Variants in PAPPA2 observed in about 807,000 individuals in gnomAD.
The protein encoded by PAPPA2 is pappalysin-2.
Under a neutral mutation model 176.4 loss-of-function variants are expected in PAPPA2, and 86 were observed. The ratio of observed to expected loss-of-function variants is 0.49; its 90% CI spans 0.41 to 0.58. The LOEUF (loss-of-function observed/expected upper bound fraction) is 0.58, where lower values mean the gene tolerates loss of function less well. PAPPA2 is among the 20% of genes least tolerant of loss of function. The probability of loss-of-function intolerance (pLI) is 0.00; values close to 1 mark genes in which losing one functional copy is unlikely to be tolerated. For synonymous variants in PAPPA2, 809 were observed against 852.2 expected (o/e 0.95, Z 0.88); for missense variants, 2,073 against 2,256.9 (o/e 0.92, Z 1.65).
chr1:176,807,497 C>CT (rs1156629514), intron 21 of PAPPA2, among the ~76,000 whole-genome samples: 6,285 of 137,712 alleles, frequency 0.046, 310 homozygotes, highest in African/African-American at 0.12. Context: ...TTCTTTCTTT[C>CT]TTTTTTTTTT....
At chr1:176,564,204 T>G (rs960555270) in intron 2 of PAPPA2, among the ~76,000 whole-genome samples, 1 of 152,216 alleles carries the variant, frequency 6.6e-6, no homozygotes, top group Non-Finnish European at 1.5e-5. Flanking sequence ...CTAACAGGCT[T>G]CAGGTGCTGT....
At chr1:176,502,938 T>A (rs1326740226) in intron 1 of PAPPA2, among the ~76,000 whole-genome samples, 1 of 152,152 alleles carries the variant, frequency 6.6e-6, no homozygotes. Flanking sequence ...TCTGTATAGT[T>A]AAACACTGGG....
intron 1 of PAPPA2, among the ~76,000 whole-genome samples, chr1:176,470,048 T>C (rs1237998124): frequency 2.0e-5 from 3 of 152,176 alleles, no homozygotes; most frequent in Non-Finnish European, 4.4e-5. Flanking sequence ...CCAGAAAACA[T>C]GATGGAATTT....
intron 3 of PAPPA2, among the ~76,000 whole-genome samples, chr1:176,655,352 G>C (rs927426635): frequency 6.6e-6 from 1 of 151,774 alleles, no homozygotes; most frequent in Admixed American, 6.6e-5. Flanking sequence ...CAGAATGAGA[G>C]AAAATATTTG....
At chr1:176,782,289 A>G (rs928900679) in intron 17 of PAPPA2, among the ~76,000 whole-genome samples, 3 of 152,182 alleles carry the variant, frequency 2.0e-5, no homozygotes, top group Non-Finnish European at 4.4e-5. Context: ...TGTACCAGGC[A>G]TTGTGCTGCA....
chr1:176,772,525 G>A (rs374823256), intron 17 of PAPPA2, among the ~76,000 whole-genome samples: 2 of 151,982 alleles, frequency 1.3e-5, no homozygotes, highest in South Asian at 4.2e-4. Context: ...CCTCTCCCAG[G>A]GCCTTCCACT....
At chr1:176,666,968 G>A (rs928400612) in intron 3 of PAPPA2, among the ~76,000 whole-genome samples, 2 of 152,154 alleles carry the variant, frequency 1.3e-5, no homozygotes, top group Non-Finnish European at 2.9e-5. Flanking sequence ...TGTGTTGGCC[G>A]GGTACCGTGG....
intron 1 of PAPPA2, among the ~76,000 whole-genome samples, chr1:176,483,308 A>T (rs1455321615): frequency 4.0e-5 from 6 of 151,860 alleles, no homozygotes; most frequent in Non-Finnish European, 8.8e-5. Flanking sequence ...ATGCTAGCCT[A>T]TTGTTTTGCT....
intron 3 of PAPPA2, among the ~76,000 whole-genome samples, chr1:176,618,104 T>TTTTCCTA: frequency 1.3e-5 from 2 of 152,222 alleles, no homozygotes; most frequent in African/African-American, 4.8e-5. Flanking sequence ...AGTTGCATCA[T>TTTTCCTA]GAAAGACAAT....
intron 14 of PAPPA2, among the ~76,000 whole-genome samples, chr1:176,752,416 G>C (rs933058772): frequency 8.7e-5 from 13 of 149,796 alleles, no homozygotes; most frequent in Admixed American, 2.0e-4. Context: ...CCAGCCTCTA[G>C]CTGTTGTATA....
intron 3 of PAPPA2, among the ~76,000 whole-genome samples, chr1:176,626,125 C>T (rs1342745710): frequency 6.6e-6 from 1 of 152,180 alleles, no homozygotes; most frequent in Non-Finnish European, 1.5e-5. Context: ...CACACCACCA[C>T]CCAGGTTGAG....
chr1:176,802,763 C>T (rs2102952061), intron 21 of PAPPA2, among the ~76,000 whole-genome samples: 1 of 152,310 alleles, frequency 6.6e-6, no homozygotes, highest in African/African-American at 2.4e-5. Flanking sequence ...AGCTCAGTAT[C>T]CTCAGCCCAT....
Position 176,840,192 on chromosome 1 carries a change from G to A in PAPPA2, c.5222G>A (p.Trp1741Ter). The stretch of plus-strand genomic sequence containing the variant: ...CTACAGCCCTTCCAAGCAGATGGTT[G>A]GTGTGACACTATCAACAACCGAGCC... ...QSCEPFQADG[W>*]CDTINNRAYC... Residue 1741 changes from tryptophan to a stop codon, truncating the protein, a stop_gained, in exon 22 of 23, where the codon TGG becomes TAG. Transcript: ENST00000367662. LOFTEE classifies it high-confidence loss of function. The A allele has an allele frequency of 6.2e-7, 1 of 1,613,298 alleles. No individual in the cohort carries two copies. The highest frequency in any genetic ancestry group is 8.5e-7 in the Non-Finnish European group (1 of 1,179,502).
At chr1:176,535,982 C>T (rs940028248) in intron 1 of PAPPA2, among the ~76,000 whole-genome samples, 4 of 152,154 alleles carry the variant, frequency 2.6e-5, no homozygotes, top group African/African-American at 7.2e-5. Context: ...CACACTGTAA[C>T]GTCCCAGGGA....
intron 1 of PAPPA2, among the ~76,000 whole-genome samples, chr1:176,510,293 G>C (rs28844448): frequency 0.079 from 12,064 of 152,136 alleles, 592 homozygotes; most frequent in South Asian, 0.15. Context: ...AATTATCATC[G>C]TTTTCTCACC....
intron 2 of PAPPA2, among the ~76,000 whole-genome samples, chr1:176,564,424 A>G (rs1307682968): frequency 6.6e-6 from 1 of 152,230 alleles, no homozygotes; most frequent in Non-Finnish European, 1.5e-5. Flanking sequence ...ATATGTAAAC[A>G]CATTTCTATG....
chr1:176,744,202 T>C (rs1662805841), intron 14 of PAPPA2, among the ~76,000 whole-genome samples: 1 of 152,232 alleles, frequency 6.6e-6, no homozygotes, highest in African/African-American at 2.4e-5. Context: ...CCAATCCTTT[T>C]ACCCCTTTAA....
intron 3 of PAPPA2, among the ~76,000 whole-genome samples, chr1:176,654,998 G>T (rs1657946052): frequency 6.6e-6 from 1 of 151,766 alleles, no homozygotes; most frequent in Non-Finnish European, 1.5e-5. Context: ...CTAGACATAA[G>T]ATCATGTCAT....
intron 1 of PAPPA2, among the ~76,000 whole-genome samples, chr1:176,482,516 G>T (rs1347864577): frequency 6.6e-6 from 1 of 152,160 alleles, no homozygotes; most frequent in African/African-American, 2.4e-5. Context: ...CAACGGGCAT[G>T]AACAGGAAAA....
Sources: gnomAD v4.1 joint callset for allele counts (sites outside exome capture counted in the v4.1 genomes callset) on GRCh38, gnomAD v4.1.1 for gene constraint, MANE v1.5 for transcripts, NCBI Gene and HGNC (gene_info 2026-07-23, HGNC 2026-07-21) for gene names.